The following HOOK1 variants were observed in gnomAD, a reference collection of about 807,000 sequenced individuals.
The protein encoded by HOOK1 is protein Hook homolog 1.
HOOK1 carries 60 observed loss-of-function variants against 112.8 expected under a neutral mutation model. The ratio of observed to expected loss-of-function variants is 0.53; its 90% CI spans 0.43 to 0.66. HOOK1 has a LOEUF of 0.66. HOOK1 is among the 30% of genes least tolerant of loss of function. The pLI is 0.00. For missense variants in HOOK1, 770 were observed against 856.0 expected (o/e 0.90, Z 1.25); for synonymous variants, 294 against 283.8 (o/e 1.04, Z -0.36).
chr1:59,833,073 TA>T (rs1025799171), intron 4 of HOOK1, among the ~76,000 whole-genome samples: 1 of 152,158 alleles, frequency 6.6e-6, no homozygotes, highest in Non-Finnish European at 1.5e-5. Context: ...TTCTTTGGCT[TA>T]ACATATGCTT....
chr1:59,823,752 T>C (rs2098387689), intron 2 of HOOK1, among the ~76,000 whole-genome samples: 1 of 152,248 alleles, frequency 6.6e-6, no homozygotes. Flanking sequence ...AGCTAATTTT[T>C]CCACAGTCTG....
At chr1:59,869,862 C>T (rs973188576) in intron 20 of HOOK1, among the ~76,000 whole-genome samples, 1 of 152,158 alleles carries the variant, frequency 6.6e-6, no homozygotes, top group Admixed American at 6.5e-5. Context: ...AATACTGTCT[C>T]ACTCTCCACA....
intron 15 of HOOK1, among the ~76,000 whole-genome samples, chr1:59,860,877 G>A (rs1401540694): frequency 5.3e-5 from 8 of 151,508 alleles, no homozygotes; most frequent in East Asian, 3.9e-4. Context: ...GGGTTCAAGC[G>A]ATTCTCCTGC....
intron 2 of HOOK1, among the ~76,000 whole-genome samples, chr1:59,827,525 A>G (rs548695251): frequency 6.6e-6 from 1 of 152,348 alleles, no homozygotes; most frequent in East Asian, 1.9e-4. Flanking sequence ...TTTCAAGTAA[A>G]TACCTGGTTA....
chr1:59,835,033 A>G (rs139900500), intron 5 of HOOK1, among the ~76,000 whole-genome samples: 33 of 152,282 alleles, frequency 2.2e-4, no homozygotes, highest in African/African-American at 7.7e-4. Flanking sequence ...TCCAGTTTTA[A>G]AAGGAATTCA....
At chr1:59,862,403 A>G (rs1281578339) in intron 15 of HOOK1, among the ~76,000 whole-genome samples, 1 of 152,174 alleles carries the variant, frequency 6.6e-6, no homozygotes, top group Non-Finnish European at 1.5e-5. Context: ...TTCCTCTTCC[A>G]ATACGCTGTG....
intron 10 of HOOK1, among the ~76,000 whole-genome samples, chr1:59,847,999 G>A (rs2098404989): frequency 6.6e-6 from 1 of 151,598 alleles, no homozygotes; most frequent in Non-Finnish European, 1.5e-5. Flanking sequence ...CAGCTGATTT[G>A]TTTAATTTTA....
intron 8 of HOOK1, among the ~76,000 whole-genome samples, chr1:59,842,308 T>G (rs1418027626): frequency 6.6e-6 from 1 of 152,102 alleles, no homozygotes; most frequent in Non-Finnish European, 1.5e-5. Flanking sequence ...ACTGTAAGGG[T>G]CTTGGGGGCA....
At chr1:59,847,015 T>A in intron 9 of HOOK1, 30 bp from the exon 10 acceptor site, 1 of 1,548,512 alleles carries the variant, frequency 6.5e-7, no homozygotes, top group South Asian at 1.2e-5. Flanking sequence ...TCATGGAAGT[T>A]ATAAATACTT....
intron 16 of HOOK1, among the ~76,000 whole-genome samples, chr1:59,863,179 G>C (rs1335389969): frequency 6.6e-6 from 1 of 152,116 alleles, no homozygotes; most frequent in Non-Finnish European, 1.5e-5. Flanking sequence ...GATGATTCTT[G>C]ATTGAGAGCA....
rs1403234474 is a variant in HOOK1, at chr1:59,874,988, G to T, written c.*2023G>T. The T allele has an allele frequency of 6.6e-6, 1 of 152,520 alleles. No individual in the cohort carries two copies. The highest frequency in any genetic ancestry group is 2.1e-4 in the South Asian group (1 of 4,828). The allele number at this position is 152,520 out of a possible 1,614,324, so 9.4% of individuals were successfully genotyped here. A position where few individuals can be genotyped will look rare whatever the true frequency, so the allele number is the denominator to read the frequency against. Reference sequence around the variant, plus strand: ...AGTTTCATTTTCATATATTCTTGTAGTGTCTGCTTGCCTGTGACTTCTGGT... The same window carrying T: ...AGTTTCATTTTCATATATTCTTGTATTGTCTGCTTGCCTGTGACTTCTGGT... On this transcript the variant is annotated 3_prime_UTR_variant, in exon 22 of 22. Transcript: ENST00000371208.
intron 1 of HOOK1, among the ~76,000 whole-genome samples, chr1:59,816,087 A>C (rs1232163145): frequency 6.6e-6 from 1 of 152,180 alleles, no homozygotes; most frequent in Non-Finnish European, 1.5e-5. Context: ...TGCTCATCCC[A>C]AACCAGTTGT....
chr1:59,818,670 T>C (rs1461179446), intron 1 of HOOK1, among the ~76,000 whole-genome samples: 1 of 152,234 alleles, frequency 6.6e-6, no homozygotes, highest in African/African-American at 2.4e-5. Context: ...TATTTAAATG[T>C]TTTTCTTGGT....
intron 1 of HOOK1, 118 bp from the exon 2 acceptor site, chr1:59,821,740 C>T (rs2098385791): frequency 4.4e-6 from 3 of 679,458 alleles, no homozygotes; most frequent in Non-Finnish European, 7.2e-6. Flanking sequence ...TTAAACAAAA[C>T]AGGACCATGT....
intron 13 of HOOK1, 66 bp downstream of exon 13, chr1:59,858,581 A>C: frequency 9.5e-7 from 1 of 1,052,442 alleles, no homozygotes; most frequent in Non-Finnish European, 1.5e-6. Context: ...TTCAACAAAA[A>C]ATAAAAACTT....
chr1:59,864,661 T>C lies in HOOK1; in HGVS notation c.1656T>C (p.Ala552=). Residue 552 remains alanine, a synonymous_variant, in exon 17 of 22, where the codon GCT becomes GCC. Transcript: ENST00000371208. ...GCAAATTAAAGCAGAAGTTGGAAGC[T>C]CATATGTAAGTAAAACTGATATTTC... ...SSSKLKQKLE[A]HMEKLTEVHE... is the part of the protein sequence containing the mutation. 6.5e-7 allele frequency: 1 copy of C among 1,539,180 alleles called. No homozygotes were observed. The highest frequency in any genetic ancestry group is 1.7e-5 in the Admixed American group (1 of 57,354).
chr1:59,822,822 CCTGT>C (rs1466193308), intron 2 of HOOK1, among the ~76,000 whole-genome samples: 1 of 152,066 alleles, frequency 6.6e-6, no homozygotes, highest in African/African-American at 2.4e-5. Flanking sequence ...AAATCCTATG[CCTGT>C]CTTAGAAAAA....
In HOOK1 at chr1:59,875,605, C is replaced by G. The variant is rs1002664556; in HGVS notation, c.*2640C>G. On this transcript the variant is annotated 3_prime_UTR_variant, in exon 22 of 22. Coordinates refer to ENST00000371208, the MANE Select transcript of HOOK1 (RefSeq NM_015888.6). Reference sequence around the variant, plus strand: ...CAATGAAGAGATATTCAGCATTTGTCTATTTGATAAGGAATTAAATGTCCT... The same window carrying G: ...CAATGAAGAGATATTCAGCATTTGTGTATTTGATAAGGAATTAAATGTCCT... 2.0e-5 allele frequency: 3 copies of G among 152,294 alleles called. No homozygotes were observed. The highest frequency in any genetic ancestry group is 2.1e-4 in the South Asian group (1 of 4,826). The allele number at this position is 152,294 out of a possible 1,614,324, so 9.4% of individuals were successfully genotyped here. A position where few individuals can be genotyped will look rare whatever the true frequency, so the allele number is the denominator to read the frequency against.
At chr1:59,822,711 C>T (rs558254634) in intron 2 of HOOK1, among the ~76,000 whole-genome samples, 1 of 152,228 alleles carries the variant, frequency 6.6e-6, no homozygotes, top group East Asian at 1.9e-4. Context: ...AGACCAGAAT[C>T]CTATCTCGTC....
Sources: gnomAD v4.1 joint callset for allele counts (sites outside exome capture counted in the v4.1 genomes callset) on GRCh38, gnomAD v4.1.1 for gene constraint, MANE v1.5 for transcripts, NCBI Gene and HGNC (gene_info 2026-07-23, HGNC 2026-07-21) for gene names.